The following RANBP2 variants were observed in gnomAD, a reference collection of about 807,000 sequenced individuals.
RANBP2 encodes RAN binding protein 2, also known as E3 SUMO-protein ligase RanBP2.
A neutral mutation model predicts 303.6 loss-of-function variants in RANBP2; 57 were observed. The observed-to-expected ratio is 0.19, with a 90% CI of 0.15 to 0.23. RANBP2 has a LOEUF of 0.23. RANBP2 is among the 10% of genes least tolerant of loss of function. The pLI is 1.00. For missense variants in RANBP2, 3,138 were observed against 3,780.8 expected (o/e 0.83, Z 4.46); for synonymous variants, 1,167 against 1,301.5 (o/e 0.90, Z 2.23).
the RANBP2 span, among the ~76,000 whole-genome samples, chr2:109,493,172 G>A: frequency 1.2e-4 from 18 of 144,726 alleles, no homozygotes; most frequent in Admixed American, 9.7e-4. Flanking sequence ...CCACACATAC[G>A]CCATGCAAAC....
the RANBP2 span, among the ~76,000 whole-genome samples, chr2:109,075,233 TG>T: frequency 1.3e-5 from 2 of 150,034 alleles, no homozygotes; most frequent in Non-Finnish European, 1.5e-5. Flanking sequence ...TTTGTTTGTT[TG>T]TTTGTTTGAG....
At chr2:109,224,632 C>A in the RANBP2 span, among the ~76,000 whole-genome samples, 1 of 152,178 alleles carries the variant, frequency 6.6e-6, no homozygotes, top group African/African-American at 2.4e-5. Flanking sequence ...CCAAGGCGGG[C>A]AGATCACTTG....
chr2:109,417,838 G>T, the RANBP2 span, among the ~76,000 whole-genome samples: 4 of 152,190 alleles, frequency 2.6e-5, no homozygotes, highest in African/African-American at 9.6e-5. Context: ...TCAGGGAGGG[G>T]CAGGTAGGTG....
the RANBP2 span, among the ~76,000 whole-genome samples, chr2:109,034,011 C>T: frequency 6.6e-6 from 1 of 150,514 alleles, no homozygotes; most frequent in African/African-American, 2.4e-5. Flanking sequence ...GCCTGTAATC[C>T]CAGCACTTTG....
At chr2:109,206,666 A>G in the RANBP2 span, among the ~76,000 whole-genome samples, 4,730 of 152,144 alleles carry the variant, frequency 0.031, 208 homozygotes, top group African/African-American at 0.1. Flanking sequence ...TTTTTTTTAA[A>G]TTAGCTGGGC....
At chr2:109,210,270 G>T in the RANBP2 span, among the ~76,000 whole-genome samples, 14 of 152,322 alleles carry the variant, frequency 9.2e-5, no homozygotes, top group African/African-American at 3.4e-4. Flanking sequence ...GCGTGTAGGT[G>T]TACAAACATC....
At chr2:108,884,923 C>G in the RANBP2 span, 1 of 152,272 alleles carries the variant, frequency 6.6e-6, no homozygotes, top group Non-Finnish European at 1.5e-5. Context: ...CCTCCCCACT[C>G]CCCATCAGCA....
At chr2:108,867,838 A>T in the RANBP2 span, among the ~76,000 whole-genome samples, 1 of 152,230 alleles carries the variant, frequency 6.6e-6, no homozygotes, top group African/African-American at 2.4e-5. Flanking sequence ...ACTGGAATAA[A>T]AGCCTTACTA....
chr2:109,532,155 A>G, the RANBP2 span, among the ~76,000 whole-genome samples: 3 of 152,242 alleles, frequency 2.0e-5, no homozygotes, highest in Non-Finnish European at 2.9e-5. Context: ...GGGAGGATGT[A>G]GCATGATCTT....
At chr2:108,741,466 G>T (rs559067311) in intron 7 of RANBP2, among the ~76,000 whole-genome samples, 2 of 144,008 alleles carry the variant, frequency 1.4e-5, no homozygotes, top group East Asian at 4.6e-4. Context: ...AAAGTGCTGG[G>T]ATTACAGGCG....
the RANBP2 span, among the ~76,000 whole-genome samples, chr2:109,396,620 C>T: frequency 6.6e-6 from 1 of 152,338 alleles, no homozygotes; most frequent in Admixed American, 6.5e-5. Flanking sequence ...AGTTCTGAAT[C>T]TGGGTGAGAC....
the RANBP2 span, among the ~76,000 whole-genome samples, chr2:109,649,558 C>T: frequency 1.3e-4 from 20 of 152,074 alleles, 1 homozygote; most frequent in Admixed American, 2.6e-4. Flanking sequence ...CCACCACACC[C>T]GGCTAATTTT....
At chr2:109,240,171 T>A in the RANBP2 span, among the ~76,000 whole-genome samples, 1 of 152,176 alleles carries the variant, frequency 6.6e-6, no homozygotes, top group East Asian at 1.9e-4. Flanking sequence ...GATCACCCAT[T>A]TATCACCTCT....
At chr2:109,146,364 A>G in the RANBP2 span, among the ~76,000 whole-genome samples, 2 of 152,170 alleles carry the variant, frequency 1.3e-5, no homozygotes, top group Non-Finnish European at 2.9e-5. Flanking sequence ...CAAGAGCAAA[A>G]GAATACTAGT....
the RANBP2 span, among the ~76,000 whole-genome samples, chr2:109,272,386 C>T: frequency 6.6e-6 from 1 of 152,224 alleles, no homozygotes; most frequent in African/African-American, 2.4e-5. Context: ...CAGGACTGTG[C>T]AGGCACCATG....
chr2:109,066,124 T>C, the RANBP2 span, among the ~76,000 whole-genome samples: 86 of 151,920 alleles, frequency 5.7e-4, no homozygotes, highest in Admixed American at 1.3e-3. Context: ...TTTTTTTTTT[T>C]CTGAGACATA....
At chr2:109,353,189 C>A in the RANBP2 span, among the ~76,000 whole-genome samples, 1 of 152,258 alleles carries the variant, frequency 6.6e-6, no homozygotes, top group Non-Finnish European at 1.5e-5. Flanking sequence ...CCTCAAGGGC[C>A]TGATCCACTT....
At chr2:109,663,857 C>T in the RANBP2 span, among the ~76,000 whole-genome samples, 3 of 152,156 alleles carry the variant, frequency 2.0e-5, no homozygotes, top group Non-Finnish European at 2.9e-5. Context: ...AGTCATTTCC[C>T]GAAATAACCC....
chr2:109,451,420 T>C, the RANBP2 span, among the ~76,000 whole-genome samples: 103,328 of 152,106 alleles, frequency 0.68, 35,543 homozygotes, highest in African/African-American at 0.76. Context: ...AAGTGGGGGC[T>C]GTAATAGTTC....
Sources: allele counts gnomAD v4.1 joint callset (sites outside exome capture counted in the v4.1 genomes callset), GRCh38; gene constraint gnomAD v4.1.1; transcripts MANE v1.5; gene names NCBI Gene and HGNC (gene_info 2026-07-23, HGNC 2026-07-21).